The following CNTN5 variants were observed in gnomAD, a reference collection of about 807,000 sequenced individuals.
CNTN5 encodes contactin-5.
CNTN5 carries 77 observed loss-of-function variants against 129.1 expected under a neutral mutation model. The observed-to-expected ratio is 0.60, with a 90% confidence interval of 0.50 to 0.72. The LOEUF (loss-of-function observed/expected upper bound fraction) is 0.72, where lower values mean the gene tolerates loss of function less well. Ranked by LOEUF, CNTN5 falls within the 30% of genes least tolerant of loss-of-function variation. The pLI is 0.00. For missense variants in CNTN5, 1,478 were observed against 1,328.8 expected, an observed-to-expected ratio of 1.11 and a Z score of -1.75; for synonymous variants, 509 against 465.6, an observed-to-expected ratio of 1.09 and a Z score of -1.20.
In CNTN5 at chr11:100,341,183, A is replaced by G; in HGVS notation, c.3008A>G (p.Glu1003Gly). 1 of 1,613,662 alleles carries G rather than the reference A, an allele frequency of 6.2e-7. No homozygotes were observed. Among genetic ancestry groups the G allele is most frequent in the Non-Finnish European group, 8.5e-7 (1 of 1,179,582 alleles). ...GAACCCGTCATACCATTAGCCAACG[A>G]ATCTGAAGTTGTGGGTTACAAGGTC... is the stretch of plus-strand genomic sequence containing the variant. ...GWEPVIPLAN[E>G]SEVVGYKVFY... The change falls in exon 23 of 25, where the codon GAA (glutamate) becomes GGA (glycine). Residue 1003 changes from glutamate to glycine, a missense_variant. Physicochemically the swap from Glu to Gly is moderately conservative, Grantham distance 98. Transcript: ENST00000524871.
intron 13 of CNTN5, among the ~76,000 whole-genome samples, chr11:100,137,781 TA>T (rs1489928302): frequency 6.6e-6 from 1 of 152,118 alleles, no homozygotes; most frequent in Non-Finnish European, 1.5e-5. Flanking sequence ...AAATACATTA[TA>T]AAAAGTACTT....
At chr11:100,182,202 T>A (rs2138456957) in intron 13 of CNTN5, among the ~76,000 whole-genome samples, 1 of 152,110 alleles carries the variant, frequency 6.6e-6, no homozygotes, top group African/African-American at 2.4e-5. Context: ...TGTGGGAAAA[T>A]ACAGTGTTTT....
chr11:99,023,774 G>A (rs1449737248), intron 1 of CNTN5, among the ~76,000 whole-genome samples: 1 of 151,834 alleles, frequency 6.6e-6, no homozygotes, highest in African/African-American at 2.4e-5. Flanking sequence ...TTTAAAATAC[G>A]GGTTTTTAAA....
At chr11:100,212,573 G>C (rs2138590728) in intron 15 of CNTN5, among the ~76,000 whole-genome samples, 1 of 152,248 alleles carries the variant, frequency 6.6e-6, no homozygotes, top group Non-Finnish European at 1.5e-5. Context: ...TTACTAGACA[G>C]GGGGCAAGAG....
intron 9 of CNTN5, among the ~76,000 whole-genome samples, chr11:100,018,065 C>T (rs182103780): frequency 2.0e-5 from 3 of 151,912 alleles, no homozygotes; most frequent in African/African-American, 4.8e-5. Context: ...AGAGAAAACA[C>T]AATATATTAA....
intron 1 of CNTN5, among the ~76,000 whole-genome samples, chr11:99,317,680 TG>T (rs1865398264): frequency 6.6e-6 from 1 of 152,202 alleles, no homozygotes. Context: ...ACTGATAACT[TG>T]TTTCGTACAT....
intron 7 of CNTN5, among the ~76,000 whole-genome samples, chr11:99,938,576 A>T (rs1285150957): frequency 6.6e-6 from 1 of 152,102 alleles, no homozygotes; most frequent in Admixed American, 6.6e-5. Flanking sequence ...TAGAGTATTA[A>T]TTCAATACCA....
At chr11:99,333,671 G>T (rs1240263570) in intron 2 of CNTN5, among the ~76,000 whole-genome samples, 2 of 152,036 alleles carry the variant, frequency 1.3e-5, no homozygotes, top group East Asian at 3.9e-4. Context: ...TAAAAGGAAG[G>T]TGAAAATTTT....
intron 2 of CNTN5, among the ~76,000 whole-genome samples, chr11:99,330,032 A>T (rs1865938609): frequency 2.6e-5 from 4 of 151,804 alleles, no homozygotes; most frequent in Non-Finnish European, 5.9e-5. Flanking sequence ...TAAGTAGCAT[A>T]CATTTTTAAC....
At chr11:100,187,437 A>AACTT (rs1319109247) in intron 13 of CNTN5, among the ~76,000 whole-genome samples, 1 of 152,074 alleles carries the variant, frequency 6.6e-6, no homozygotes, top group Non-Finnish European at 1.5e-5. Flanking sequence ...TAACTAGAAA[A>AACTT]ACTTATTCTA....
intron 3 of CNTN5, among the ~76,000 whole-genome samples, chr11:99,814,058 G>A (rs965959916): frequency 6.6e-6 from 1 of 152,120 alleles, no homozygotes; most frequent in Non-Finnish European, 1.5e-5. Context: ...TTTTTATATA[G>A]TTATGAGAAC....
chr11:99,549,287 T>A (rs897652220), intron 2 of CNTN5, among the ~76,000 whole-genome samples: 2 of 152,112 alleles, frequency 1.3e-5, no homozygotes, highest in African/African-American at 4.8e-5. Context: ...TTTATTCCCA[T>A]AGTTTAGACC....
chr11:99,610,409 T>C (rs1204987884), intron 3 of CNTN5, among the ~76,000 whole-genome samples: 12 of 152,098 alleles, frequency 7.9e-5, no homozygotes. Flanking sequence ...CATAACATGA[T>C]GAGAAATAAT....
chr11:100,216,977 GC>G (rs1163552720), intron 15 of CNTN5, among the ~76,000 whole-genome samples: 1 of 152,140 alleles, frequency 6.6e-6, no homozygotes, highest in Non-Finnish European at 1.5e-5. Flanking sequence ...CACTTAGCTT[GC>G]CCATGGACAA....
chr11:100,044,780 G>A (rs1942579636), intron 9 of CNTN5, among the ~76,000 whole-genome samples: 1 of 151,820 alleles, frequency 6.6e-6, no homozygotes, highest in South Asian at 2.1e-4. Context: ...TTTTCAGGTT[G>A]TCTGTTCACG....
chr11:100,016,544 T>A (rs1940833319), intron 9 of CNTN5, among the ~76,000 whole-genome samples: 1 of 152,116 alleles, frequency 6.6e-6, no homozygotes, highest in African/African-American at 2.4e-5. Context: ...CATTTTCTAC[T>A]TTATATGACA....
intron 3 of CNTN5, among the ~76,000 whole-genome samples, chr11:99,730,286 G>T (rs992190770): frequency 2.0e-5 from 3 of 152,176 alleles, no homozygotes; most frequent in Non-Finnish European, 1.5e-5. Context: ...TAGAAGAAAG[G>T]GTGTGATAAT....
chr11:99,084,723 A>G (rs912256615), intron 1 of CNTN5, among the ~76,000 whole-genome samples: 1 of 151,788 alleles, frequency 6.6e-6, no homozygotes, highest in Non-Finnish European at 1.5e-5. Flanking sequence ...ATATGATATC[A>G]GTTTTAAAGT....
chr11:99,075,044 A>G (rs921340006), intron 1 of CNTN5, among the ~76,000 whole-genome samples: 6 of 152,232 alleles, frequency 3.9e-5, no homozygotes, highest in African/African-American at 1.4e-4. Context: ...AGAGACACTC[A>G]TATAAAAACA....
Sources: gnomAD v4.1 joint callset for allele counts (sites outside exome capture counted in the v4.1 genomes callset) on GRCh38, gnomAD v4.1.1 for gene constraint, MANE v1.5 for transcripts, NCBI Gene and HGNC (gene_info 2026-07-23, HGNC 2026-07-21) for gene names.